Variants in FYN observed in about 807,000 individuals in gnomAD.
FYN encodes tyrosine-protein kinase Fyn.
In FYN, 10 loss-of-function variants were observed where a neutral mutation model predicts 70.2. That is an observed-to-expected ratio of 0.14 (90% CI 0.09 to 0.24). The LOEUF is 0.24. Among genes scored for constraint, FYN ranks in the 10% least tolerant of loss-of-function variants. The probability of loss-of-function intolerance (pLI) is 1.00; values close to 1 mark genes in which losing one functional copy is unlikely to be tolerated. For missense variants in FYN, 319 were observed against 673.1 expected, an observed-to-expected ratio of 0.47 and a Z score of 5.82; for synonymous variants, 236 against 248.6, an observed-to-expected ratio of 0.95 and a Z score of 0.48.
intron 12 of FYN, among the ~76,000 whole-genome samples, chr6:111,679,220 T>C (rs1449060792): frequency 6.6e-6 from 1 of 152,228 alleles, no homozygotes; most frequent in Non-Finnish European, 1.5e-5. Flanking sequence ...ACTTCTCTTT[T>C]GCTCCTAGCC....
chr6:111,723,614 C>T (rs1417903743), intron 3 of FYN, among the ~76,000 whole-genome samples: 1 of 152,218 alleles, frequency 6.6e-6, no homozygotes, highest in African/African-American at 2.4e-5. Flanking sequence ...GGTCTTCTTT[C>T]TCCCCCGTGG....
At chr6:111,823,566 A>T (rs1772740955) in intron 2 of FYN, among the ~76,000 whole-genome samples, 1 of 152,206 alleles carries the variant, frequency 6.6e-6, no homozygotes, top group Non-Finnish European at 1.5e-5. Flanking sequence ...CTGAGGGCCA[A>T]GATCTAAGGG....
intron 3 of FYN, among the ~76,000 whole-genome samples, chr6:111,724,154 T>C (rs771462092): frequency 7.2e-5 from 11 of 152,170 alleles, no homozygotes; most frequent in Admixed American, 1.3e-4. Context: ...GTGCCAATAG[T>C]GTTAAGCAAC....
intron 1 of FYN, among the ~76,000 whole-genome samples, chr6:111,856,157 G>A (rs1467112985): frequency 3.9e-5 from 6 of 152,130 alleles, no homozygotes; most frequent in Admixed American, 3.9e-4. Context: ...GAGAGAAAAA[G>A]ATCTGTGAAC....
At chr6:111,697,017 G>C (rs192163366) in intron 9 of FYN, among the ~76,000 whole-genome samples, 2 of 152,352 alleles carry the variant, frequency 1.3e-5, no homozygotes, top group East Asian at 3.9e-4. Context: ...CTGGCAAGGA[G>C]CTCACAGTCT....
At chr6:111,838,614 C>T (rs1433198260) in intron 2 of FYN, among the ~76,000 whole-genome samples, 1 of 152,174 alleles carries the variant, frequency 6.6e-6, no homozygotes, top group African/African-American at 2.4e-5. Context: ...ATAGCAGTCA[C>T]AAATAATTCA....
At chr6:111,672,523 C>T (rs947212929) in intron 13 of FYN, among the ~76,000 whole-genome samples, 4 of 152,200 alleles carry the variant, frequency 2.6e-5, no homozygotes, top group Admixed American at 6.5e-5. Flanking sequence ...ATCTAGGCCC[C>T]ATAGTAGGTA....
chr6:111,721,100 A>T (rs1319889874), intron 3 of FYN, among the ~76,000 whole-genome samples: 1 of 151,934 alleles, frequency 6.6e-6, no homozygotes, highest in East Asian at 1.9e-4. Flanking sequence ...TTCCTCTTTG[A>T]TATGTGACGT....
At chr6:111,827,509 A>G (rs1772873654) in intron 2 of FYN, among the ~76,000 whole-genome samples, 1 of 152,206 alleles carries the variant, frequency 6.6e-6, no homozygotes, top group Admixed American at 6.5e-5. Context: ...GAGGTGTTCA[A>G]TCATGTAATG....
At chr6:111,719,261 C>A (rs1434979724) in intron 4 of FYN, among the ~76,000 whole-genome samples, 1 of 141,758 alleles carries the variant, frequency 7.1e-6, no homozygotes, top group African/African-American at 2.7e-5. Context: ...TCAGCAAATA[C>A]ACATGGCAGC....
At chr6:111,692,098 A>AT (rs558926434) in intron 12 of FYN, among the ~76,000 whole-genome samples, 2 of 129,252 alleles carry the variant, frequency 1.5e-5, no homozygotes, top group African/African-American at 3.0e-5. Context: ...GCCAAGCTTC[A>AT]TTTCCCCCCC....
At chr6:111,743,378 C>T (rs1255834132) in intron 3 of FYN, among the ~76,000 whole-genome samples, 1 of 152,112 alleles carries the variant, frequency 6.6e-6, no homozygotes, top group Non-Finnish European at 1.5e-5. Context: ...GATTTTTCTC[C>T]ACATGTTTTA....
intron 12 of FYN, among the ~76,000 whole-genome samples, chr6:111,693,674 G>GT (rs970757215): frequency 2.0e-5 from 3 of 152,108 alleles, no homozygotes; most frequent in Non-Finnish European, 2.9e-5. Flanking sequence ...AGATTTTCGA[G>GT]TAACTATGCT....
intron 3 of FYN, among the ~76,000 whole-genome samples, chr6:111,744,865 A>AT (rs1429254916): frequency 2.0e-5 from 3 of 152,146 alleles, no homozygotes; most frequent in Non-Finnish European, 2.9e-5. Context: ...GTAAGTTTTC[A>AT]TTTTTTCTCT....
intron 3 of FYN, among the ~76,000 whole-genome samples, chr6:111,764,228 A>AAAAAAAAG (rs530424442): frequency 2.1e-4 from 29 of 134,894 alleles, no homozygotes; most frequent in African/African-American, 7.2e-4. Context: ...AAAAAAAAAA[A>AAAAAAAAG]AAAAGAAAAG....
At chr6:111,750,442 G>A (rs774682835) in intron 3 of FYN, among the ~76,000 whole-genome samples, 202 of 152,174 alleles carry the variant, frequency 1.3e-3, no homozygotes, top group East Asian at 3.9e-3. Context: ...AGCAGAAGCC[G>A]CTATGCTTCC....
intron 2 of FYN, among the ~76,000 whole-genome samples, chr6:111,781,302 G>T: frequency 6.6e-6 from 1 of 152,036 alleles, no homozygotes; most frequent in East Asian, 1.9e-4. Flanking sequence ...GTCCAGCCCC[G>T]CAAGAATTTC....
chr6:111,865,645 A>T (rs185915153), intron 1 of FYN, among the ~76,000 whole-genome samples: 50 of 152,348 alleles, frequency 3.3e-4, no homozygotes, highest in African/African-American at 1.1e-3. Context: ...AAACACTAAA[A>T]AAATTATTAT....
chr6:111,664,413 C>T (rs1227395114), intron 13 of FYN, among the ~76,000 whole-genome samples: 4 of 152,000 alleles, frequency 2.6e-5, no homozygotes, highest in Non-Finnish European at 4.4e-5. Context: ...CTCCACAGAG[C>T]GCATGTCAGT....
Sources: gnomAD v4.1 joint callset for allele counts (sites outside exome capture counted in the v4.1 genomes callset) on GRCh38, gnomAD v4.1.1 for gene constraint, MANE v1.5 for transcripts, NCBI Gene and HGNC (gene_info 2026-07-23, HGNC 2026-07-21) for gene names.